MCC: variants seen among roughly 807,000 people sequenced by gnomAD.
MCC encodes the protein MCC regulator of Wnt signaling pathway.
Under a neutral mutation model 116.2 loss-of-function variants are expected in MCC, and 90 were observed. That is an observed-to-expected ratio of 0.77 (90% CI 0.65 to 0.92). The LOEUF is 0.92. Among genes scored for constraint, MCC ranks in the 40% least tolerant of loss-of-function variants. MCC has a pLI of 0.00. For synonymous variants in MCC, 578 were observed against 510.5 expected (o/e 1.13, Z -1.78); for missense variants, 1,516 against 1,312.2 (o/e 1.16, Z -2.40).
intron 11 of MCC, among the ~76,000 whole-genome samples, chr5:113,073,824 T>A (rs753641887): frequency 9.9e-5 from 15 of 152,044 alleles, no homozygotes; most frequent in South Asian, 2.1e-4. Flanking sequence ...CACAGCGAGG[T>A]TGGGGGACGG....
At chr5:113,288,056 G>A (rs565496492) in intron 3 of MCC, among the ~76,000 whole-genome samples, 4 of 152,274 alleles carry the variant, frequency 2.6e-5, no homozygotes, top group Non-Finnish European at 4.4e-5. Context: ...CCAGCCAAAC[G>A]AACCATCTCT....
At chr5:113,271,635 C>A (rs548340919) in intron 3 of MCC, among the ~76,000 whole-genome samples, 2 of 152,124 alleles carry the variant, frequency 1.3e-5, no homozygotes, top group African/African-American at 4.8e-5. Flanking sequence ...GGGAATGTGT[C>A]CTGGGGAAAA....
intron 1 of MCC, among the ~76,000 whole-genome samples, chr5:113,486,146 G>A (rs999089183): frequency 5.3e-5 from 8 of 152,148 alleles, no homozygotes; most frequent in African/African-American, 1.9e-4. Context: ...GCCCTAGATT[G>A]CCATCCCTAA....
chr5:113,460,605 C>T (rs537875436), intron 1 of MCC, among the ~76,000 whole-genome samples: 2 of 152,308 alleles, frequency 1.3e-5, no homozygotes, highest in South Asian at 2.1e-4. Flanking sequence ...AACAGCCCCA[C>T]GCTGTACGCT....
chr5:113,341,355 A>G (rs1442914856), intron 2 of MCC, among the ~76,000 whole-genome samples: 2 of 151,882 alleles, frequency 1.3e-5, no homozygotes, highest in African/African-American at 4.8e-5. Flanking sequence ...CATTAAAAAA[A>G]ATTTTTTTTG....
intron 3 of MCC, among the ~76,000 whole-genome samples, chr5:113,191,822 C>T (rs1039641246): frequency 3.3e-5 from 5 of 152,144 alleles, no homozygotes; most frequent in Admixed American, 1.3e-4. Context: ...GCTTTAACAC[C>T]TTGATTTAGG....
At chr5:113,466,687 G>A (rs981492567) in intron 1 of MCC, among the ~76,000 whole-genome samples, 1 of 152,016 alleles carries the variant, frequency 6.6e-6, no homozygotes, top group Non-Finnish European at 1.5e-5. Flanking sequence ...ATAATCCTTT[G>A]GGTATATACC....
rs145551384 is a variant in MCC, at chr5:113,390,141, A to C, written c.171-4929T>G. 4.7e-4 allele frequency among the ~76,000 whole-genome samples: 71 copies of C among 152,328 alleles called. 2 individuals carry two copies. The East Asian group carries it at 0.013, about 28-fold the overall frequency. ...TTTTGTATATTATTTCAGAAAACAC[A>C]TATTCATTGTAGAAAATGTAGACAA... On this transcript the variant is annotated intron_variant, in intron 1 of 18. Coordinates refer to ENST00000408903, the MANE Select transcript of MCC (RefSeq NM_001085377.2).
chr5:113,435,223 C>G (rs1405218856), intron 1 of MCC: 1 of 205,538 alleles, frequency 4.9e-6, no homozygotes, highest in African/African-American at 2.3e-5. Flanking sequence ...AACCCAGAGC[C>G]AGGCATACTT....
At chr5:113,161,277 C>T (rs1012149145) in intron 3 of MCC, among the ~76,000 whole-genome samples, 2 of 152,260 alleles carry the variant, frequency 1.3e-5, no homozygotes, top group South Asian at 2.1e-4. Context: ...ACAATTAAAT[C>T]CAGCTAATCA....
chr5:113,440,142 T>C (rs1437149100), intron 1 of MCC, among the ~76,000 whole-genome samples: 9 of 152,342 alleles, frequency 5.9e-5, no homozygotes, highest in African/African-American at 1.7e-4. Context: ...CCAGTTGCTA[T>C]GAAAGTGCCC....
At chr5:113,029,116 C>A in intron 17 of MCC, 60 bp from the exon 18 acceptor site, 1 of 1,516,068 alleles carries the variant, frequency 6.6e-7, no homozygotes. Flanking sequence ...GAGGTGCCCA[C>A]TCCCTGGGAA....
intron 1 of MCC, among the ~76,000 whole-genome samples, chr5:113,415,629 A>G (rs1359809375): frequency 1.3e-5 from 2 of 152,138 alleles, no homozygotes; most frequent in East Asian, 1.9e-4. Flanking sequence ...AGGTCATTTA[A>G]GGTCTCCTCT....
chr5:113,310,207 C>G (rs1446490982), intron 3 of MCC, among the ~76,000 whole-genome samples: 1 of 152,236 alleles, frequency 6.6e-6, no homozygotes, highest in Non-Finnish European at 1.5e-5. Flanking sequence ...GAAGGCTCCA[C>G]TCTCATAAAT....
chr5:113,419,858 C>T (rs1770273731), intron 1 of MCC, among the ~76,000 whole-genome samples: 1 of 127,274 alleles, frequency 7.9e-6, no homozygotes. Context: ...ACATCACACA[C>T]CGGGGACTGT....
rs747148204 is a variant in MCC at position 113,085,213 on chromosome 5, G to T, written c.1496C>A (p.Thr499Asn). The T allele has an allele frequency of 6.8e-6, 11 of 1,614,216 alleles. No homozygotes were observed. In the Admixed American group the frequency reaches 1.7e-4, roughly 24 times the overall value. ...GCTGCTGCTTGTGCTCAGCTCCCCAGTGCTGGGGTTAATCGGGCGGTTGGT... is the reference window on the plus strand; with the variant it reads ...GCTGCTGCTTGTGCTCAGCTCCCCATTGCTGGGGTTAATCGGGCGGTTGGT... ...TSTNRPINPS[T>N]GELSTSSSSN... Residue 499 changes from threonine to asparagine, a missense_variant, in exon 9 of 19, where the codon ACT (threonine) becomes AAT (asparagine). Transcript: ENST00000408903.
intron 1 of MCC, among the ~76,000 whole-genome samples, chr5:113,479,639 G>C (rs924760283): frequency 1.3e-5 from 2 of 152,046 alleles, no homozygotes; most frequent in Non-Finnish European, 2.9e-5. Context: ...GAGTTCTGTA[G>C]GGTGTTTTTT....
At chr5:113,226,658 T>C (rs951297178) in intron 3 of MCC, among the ~76,000 whole-genome samples, 3 of 152,230 alleles carry the variant, frequency 2.0e-5, no homozygotes, top group Non-Finnish European at 4.4e-5. Context: ...TTCAGGAGCT[T>C]AAATTAAGCT....
chr5:113,231,256 AAG>A (rs1275403055), intron 3 of MCC, among the ~76,000 whole-genome samples: 1 of 152,138 alleles, frequency 6.6e-6, no homozygotes, highest in Non-Finnish European at 1.5e-5. Flanking sequence ...TTACCATAAG[AAG>A]AGAGTTTCCC....
Sources: gnomAD v4.1 joint callset for allele counts (sites outside exome capture counted in the v4.1 genomes callset) on GRCh38, gnomAD v4.1.1 for gene constraint, MANE v1.5 for transcripts, NCBI Gene and HGNC (gene_info 2026-07-23, HGNC 2026-07-21) for gene names.